KIAA1217: variants seen among roughly 807,000 people sequenced by gnomAD.
KIAA1217 encodes KIAA1217, also known as sickle tail protein homolog.
In KIAA1217, 88 loss-of-function variants were observed where a neutral mutation model predicts 163.9. The observed-to-expected ratio is 0.54, with a 90% CI of 0.45 to 0.64. The LOEUF (loss-of-function observed/expected upper bound fraction) is 0.64. Ranked by LOEUF, KIAA1217 falls within the 30% of genes least tolerant of loss-of-function variation. The pLI, the probability that KIAA1217 is intolerant of heterozygous loss-of-function variation, is 0.00. For missense variants in KIAA1217, 2,372 were observed against 2,475.0 expected, an observed-to-expected ratio of 0.96 and a Z score of 0.88; for synonymous variants, 903 against 923.1, an observed-to-expected ratio of 0.98 and a Z score of 0.39.
At chr10:23,943,083 C>T (rs950734445) in intron 1 of KIAA1217, among the ~76,000 whole-genome samples, 2 of 151,878 alleles carry the variant, frequency 1.3e-5, no homozygotes, top group African/African-American at 4.8e-5. Flanking sequence ...TATGATCACG[C>T]CACTGCAATT....
At chr10:23,958,484 A>G (rs1003845223) in intron 1 of KIAA1217, among the ~76,000 whole-genome samples, 4 of 152,222 alleles carry the variant, frequency 2.6e-5, no homozygotes, top group Non-Finnish European at 5.9e-5. Context: ...GGCTCATAGT[A>G]AGTACAATGA....
chr10:23,891,873 GATAA>G (rs1351930700), intron 1 of KIAA1217, among the ~76,000 whole-genome samples: 2 of 151,916 alleles, frequency 1.3e-5, no homozygotes, highest in Admixed American at 1.3e-4. Flanking sequence ...ACTTCATGAA[GATAA>G]ATAATTTGTG....
At chr10:24,280,778 C>A (rs2077828701) in intron 2 of KIAA1217, among the ~76,000 whole-genome samples, 1 of 150,524 alleles carries the variant, frequency 6.6e-6, no homozygotes, top group Non-Finnish European at 1.5e-5. Flanking sequence ...CCACTGCACT[C>A]CAGCCTGGGC....
intron 2 of KIAA1217, among the ~76,000 whole-genome samples, chr10:24,042,762 A>G (rs1371624328): frequency 6.6e-6 from 1 of 152,156 alleles, no homozygotes; most frequent in East Asian, 1.9e-4. Flanking sequence ...AGAATAACAG[A>G]TTTTATTCTT....
chr10:23,707,333 G>A (rs919102273), intron 1 of KIAA1217, among the ~76,000 whole-genome samples: 5 of 152,100 alleles, frequency 3.3e-5, no homozygotes, highest in Non-Finnish European at 5.9e-5. Context: ...GCAGGAGGAA[G>A]GGAAATAATG....
chr10:24,027,219 T>G (rs1333917519), intron 2 of KIAA1217, among the ~76,000 whole-genome samples: 1 of 152,134 alleles, frequency 6.6e-6, no homozygotes, highest in Non-Finnish European at 1.5e-5. Flanking sequence ...TCAGGGAGAC[T>G]GCTGAGCTCT....
At chr10:24,488,651 T>G (rs567405386) in intron 6 of KIAA1217, among the ~76,000 whole-genome samples, 1 of 152,326 alleles carries the variant, frequency 6.6e-6, no homozygotes, top group South Asian at 2.1e-4. Context: ...TAGAGTCACA[T>G]TTGAAGCTTT....
intron 1 of KIAA1217, among the ~76,000 whole-genome samples, chr10:23,980,669 T>C (rs1832310): frequency 0.028 from 4,323 of 152,300 alleles, 170 homozygotes; most frequent in East Asian, 0.13. Flanking sequence ...ATTTGCCTTC[T>C]AAACCCCTCA....
chr10:24,268,326 A>G (rs1016919968), intron 2 of KIAA1217, among the ~76,000 whole-genome samples: 4 of 152,200 alleles, frequency 2.6e-5, no homozygotes, highest in Non-Finnish European at 4.4e-5. Context: ...CTGCCTGTTA[A>G]TTGACTTGCT....
chr10:24,540,955 G>A (rs2074961332), intron 17 of KIAA1217, among the ~76,000 whole-genome samples: 1 of 151,778 alleles, frequency 6.6e-6, no homozygotes, highest in Non-Finnish European at 1.5e-5. Context: ...TTTCAGTAGA[G>A]ATGGGATTTC....
intron 1 of KIAA1217, among the ~76,000 whole-genome samples, chr10:23,779,263 G>T (rs1397871578): frequency 1.3e-5 from 2 of 152,090 alleles, no homozygotes; most frequent in African/African-American, 4.8e-5. Context: ...AATCACATTT[G>T]CCTGGTTTTT....
Position 24,526,985 on chromosome 10 carries a change from C to T in KIAA1217, c.2899-951C>T, listed in dbSNP as rs151334475. ...CCAATTCTTAGGTTATAAGGTTCCA[C>T]TAATCTTGGTGTGAATTTCCACTCT... On this transcript the variant is annotated intron_variant, in intron 13 of 20. Transcript: ENST00000376454. 8.1e-3 allele frequency among the ~76,000 whole-genome samples: 1,231 copies of T among 152,252 alleles called. 16 individuals are homozygous for T. Among genetic ancestry groups the T allele is most frequent in the African/African-American group, 0.028 (1,170 of 41,544 alleles).
intron 9 of KIAA1217, among the ~76,000 whole-genome samples, chr10:24,513,035 T>C (rs1433237224): frequency 6.6e-6 from 1 of 152,226 alleles, no homozygotes; most frequent in Non-Finnish European, 1.5e-5. Context: ...AAAGGATCCT[T>C]TGTCTTGCAG....
At chr10:23,905,385 C>T (rs993518829) in intron 1 of KIAA1217, among the ~76,000 whole-genome samples, 3 of 152,124 alleles carry the variant, frequency 2.0e-5, no homozygotes, top group Admixed American at 6.5e-5. Context: ...GCCGAGGAGC[C>T]TGGAGATGAA....
At chr10:23,759,190 T>C (rs1834110922) in intron 1 of KIAA1217, among the ~76,000 whole-genome samples, 1 of 152,128 alleles carries the variant, frequency 6.6e-6, no homozygotes, top group East Asian at 1.9e-4. Flanking sequence ...TGTAATGGAG[T>C]TGTTTTCTTA....
chr10:24,496,140 C>T (rs2066754779), intron 8 of KIAA1217, among the ~76,000 whole-genome samples: 1 of 152,226 alleles, frequency 6.6e-6, no homozygotes, highest in Admixed American at 6.5e-5. Flanking sequence ...TTGTGCAGCA[C>T]GGTAGAGTAG....
At chr10:23,967,243 G>A (rs1440295482) in intron 1 of KIAA1217, among the ~76,000 whole-genome samples, 1 of 152,022 alleles carries the variant, frequency 6.6e-6, no homozygotes, top group Non-Finnish European at 1.5e-5. Context: ...AGGGAACTAA[G>A]AGTCCAGTTC....
chr10:23,704,146 ATGTGTGTGTGTG>A (rs1241004091), intron 1 of KIAA1217, among the ~76,000 whole-genome samples: 1 of 64,878 alleles, frequency 1.5e-5, no homozygotes, highest in African/African-American at 8.3e-5. Context: ...GTGTGTGTGT[ATGTGTGTGTGTG>A]TGTGTGTGTG....
chr10:24,314,722 A>T (rs945823677), intron 2 of KIAA1217, among the ~76,000 whole-genome samples: 1 of 151,978 alleles, frequency 6.6e-6, no homozygotes. Flanking sequence ...CAGGAGGATC[A>T]TGATTGTCAG....
Sources: gnomAD v4.1 joint callset for allele counts (sites outside exome capture counted in the v4.1 genomes callset) on GRCh38, gnomAD v4.1.1 for gene constraint, MANE v1.5 for transcripts, NCBI Gene and HGNC (gene_info 2026-07-23, HGNC 2026-07-21) for gene names.